TRPM3: variants seen among roughly 807,000 people sequenced by gnomAD.
The protein encoded by TRPM3 is transient receptor potential cation channel subfamily M member 3.
Under a neutral mutation model 181.2 loss-of-function variants are expected in TRPM3, and 77 were observed. The observed-to-expected ratio is 0.42, with a 90% CI of 0.35 to 0.51. The LOEUF is 0.51. Ranked by LOEUF, TRPM3 falls within the 20% of genes least tolerant of loss-of-function variation. The pLI, the probability that TRPM3 is intolerant of heterozygous loss-of-function variation, is 0.01. For synonymous variants in TRPM3, 745 were observed against 796.4 expected (o/e 0.94, Z 1.09); for missense variants, 1,759 against 2,196.7 (o/e 0.80, Z 3.98).
rs576143443 is a variant in TRPM3, at chr9:71,176,865, T to C, written c.183+269788A>G. Among the ~76,000 whole-genome samples the C allele has an allele frequency of 7.9e-5, 12 of 152,246 alleles. No individual in the cohort carries two copies. In the East Asian group the frequency reaches 2.3e-3, roughly 29 times the overall value. ...GCCTACAGTACCCAGTACTGTAACA[T>C]GCTATACAGTTTTGTAGTCTAGGAA... On this transcript the variant is annotated intron_variant, in intron 1 of 24. Coordinates refer to the TRPM3 transcript ENST00000357533.
intron 1 of TRPM3, among the ~76,000 whole-genome samples, chr9:70,959,235 C>T (rs1382565111): frequency 6.6e-6 from 1 of 151,864 alleles, no homozygotes; most frequent in Non-Finnish European, 1.5e-5. Context: ...ATTCTTCTCT[C>T]AATTTTGCAC....
At chr9:70,681,612 C>T (rs1358392342) in intron 8 of TRPM3, 34 bp from the exon 9 acceptor site, 1 of 1,581,000 alleles carries the variant, frequency 6.3e-7, no homozygotes, top group Admixed American at 1.7e-5. Context: ...ATTAGCAAAG[C>T]ATTTTTCCCC....
intron 1 of TRPM3, among the ~76,000 whole-genome samples, chr9:71,302,509 A>G (rs958016661): frequency 3.7e-4 from 56 of 152,204 alleles, no homozygotes; most frequent in African/African-American, 1.3e-3. Context: ...TCATTTCTCC[A>G]TTTCTTGACA....
chr9:71,175,501 GCA>G (rs781114846), intron 1 of TRPM3, among the ~76,000 whole-genome samples: 1 of 152,158 alleles, frequency 6.6e-6, no homozygotes, highest in Non-Finnish European at 1.5e-5. Context: ...TAGCCAAAAG[GCA>G]CAGAGTGATG....
chr9:70,846,443 C>A lies in TRPM3; in HGVS notation c.611G>T (p.Gly204Val). ...ELQPKLKQVF[G>V]KGLIKAAMTT... Reference sequence around the variant, plus strand: ...CATTGCTGCTTTGATGAGCCCTTTCCCAAAGACTTGCTTGAGTTTTGGCTG... The same window carrying A: ...CATTGCTGCTTTGATGAGCCCTTTCACAAAGACTTGCTTGAGTTTTGGCTG... Residue 204 changes from glycine (G) to valine (V), a missense_variant, in exon 4 of 26, where the codon GGG (glycine) becomes GTG (valine). Physicochemically the swap from Gly to Val is moderately radical, Grantham distance 109. This residue lies in a region of TRPM3 where 737 missense variants were observed against 957.4 expected (regional missense o/e 0.77). Transcript: ENST00000677713. 1 of 1,614,146 alleles carries A rather than the reference C, an allele frequency of 6.2e-7. No individual in the cohort carries two copies. Among genetic ancestry groups the A allele is most frequent in the Non-Finnish European group, 8.5e-7 (1 of 1,180,018 alleles).
intron 6 of TRPM3, among the ~76,000 whole-genome samples, chr9:70,819,607 C>T (rs916996705): frequency 6.6e-6 from 1 of 152,146 alleles, no homozygotes; most frequent in African/African-American, 2.4e-5. Flanking sequence ...AGCAAAAGCA[C>T]TGGTTATGGA....
At chr9:70,786,291 C>CCTGT (rs2083567449) in intron 6 of TRPM3, among the ~76,000 whole-genome samples, 1 of 114,198 alleles carries the variant, frequency 8.8e-6, no homozygotes, top group Admixed American at 9.6e-5. Context: ...ATGGTGAAAC[C>CCTGT]CTGTCACTAC....
intron 6 of TRPM3, chr9:70,824,398 A>C (rs1330862101): frequency 6.6e-6 from 1 of 152,120 alleles, no homozygotes; most frequent in African/African-American, 2.4e-5. Flanking sequence ...GGATAAACTT[A>C]TGGAATAAAA....
intron 1 of TRPM3, among the ~76,000 whole-genome samples, chr9:71,289,898 A>T (rs1453922831): frequency 3.4e-5 from 5 of 148,876 alleles, no homozygotes; most frequent in Non-Finnish European, 5.9e-5. Context: ...AAAAAAAAAA[A>T]AAAGCTAGAT....
chr9:70,752,304 A>G (rs976834875), intron 8 of TRPM3, among the ~76,000 whole-genome samples: 4 of 152,188 alleles, frequency 2.6e-5, no homozygotes, highest in Non-Finnish European at 5.9e-5. Context: ...AAGAGCTGGC[A>G]TTATGCGACA....
chr9:71,018,114 G>C (rs1035697710), intron 1 of TRPM3, among the ~76,000 whole-genome samples: 2 of 151,758 alleles, frequency 1.3e-5, no homozygotes, highest in Admixed American at 1.3e-4. Context: ...AAGTTAAAAA[G>C]TGTTTCAGAA....
intron 1 of TRPM3, among the ~76,000 whole-genome samples, chr9:71,209,031 T>A (rs1318603188): frequency 1.3e-5 from 2 of 152,160 alleles, no homozygotes; most frequent in Non-Finnish European, 2.9e-5. Flanking sequence ...ATGTAAATCA[T>A]GAGACTTTGA....
rs1456771680 is a variant in TRPM3, at chr9:70,648,222, A to T, written c.1346-7562T>A. On this transcript the variant is annotated intron_variant, in intron 9 of 25. Coordinates refer to ENST00000677713, the MANE Select transcript of TRPM3 (RefSeq NM_001366145.2). ...AGGTTTGGTGGCTTATGCCTGTATT[A>T]CCAGCATTTTGGGAGATGGAGGCAG... is the stretch of plus-strand genomic sequence containing the variant. 2.6e-5 allele frequency among the ~76,000 whole-genome samples: 4 copies of T among 152,184 alleles called. No homozygotes were observed. In the South Asian group the frequency reaches 8.3e-4, roughly 32 times the overall value.
At chr9:70,615,797 A>T in intron 18 of TRPM3, 111 bp downstream of exon 18, 1 of 1,120,762 alleles carries the variant, frequency 8.9e-7, no homozygotes, top group Non-Finnish European at 1.3e-6. Flanking sequence ...ACCTGGTGGA[A>T]GGCTGGGAAC....
chr9:70,979,705 A>G (rs1465404157), intron 1 of TRPM3, among the ~76,000 whole-genome samples: 1 of 152,222 alleles, frequency 6.6e-6, no homozygotes, highest in Non-Finnish European at 1.5e-5. Flanking sequence ...CAAGGCTGCC[A>G]TAATAAAATA....
At chr9:70,675,342 CCACT>C in intron 9 of TRPM3, among the ~76,000 whole-genome samples, 1 of 152,124 alleles carries the variant, frequency 6.6e-6, no homozygotes, top group African/African-American at 2.4e-5. Flanking sequence ...CTCAGGTGAT[CCACT>C]CGGCCTCCCA....
chr9:71,316,501 G>A (rs2088604906), intron 1 of TRPM3, among the ~76,000 whole-genome samples: 1 of 152,180 alleles, frequency 6.6e-6, no homozygotes, highest in Non-Finnish European at 1.5e-5. Context: ...AACTATGCAG[G>A]TGGGCCCATT....
chr9:70,689,390 G>A (rs2067860256), intron 8 of TRPM3, among the ~76,000 whole-genome samples: 1 of 151,954 alleles, frequency 6.6e-6, no homozygotes, highest in Non-Finnish European at 1.5e-5. Context: ...TAAAGGCAGG[G>A]AAAGGCAATA....
At chr9:70,751,197 G>A (rs576353092) in intron 8 of TRPM3, among the ~76,000 whole-genome samples, 1 of 152,130 alleles carries the variant, frequency 6.6e-6, no homozygotes, top group East Asian at 1.9e-4. Flanking sequence ...CATATAGGGT[G>A]CAGAAAAGCT....
Sources: allele counts gnomAD v4.1 joint callset (sites outside exome capture counted in the v4.1 genomes callset), GRCh38; gene constraint gnomAD v4.1.1; regional missense constraint gnomAD v4.1.1; transcripts MANE v1.5; gene names NCBI Gene and HGNC (gene_info 2026-07-23, HGNC 2026-07-21).